Variants in PCSK2 observed in about 807,000 individuals in gnomAD.
The protein encoded by PCSK2 is proprotein convertase subtilisin/kexin type 2.
In PCSK2, 14 loss-of-function variants were observed where a neutral mutation model predicts 69.7. That is an observed-to-expected ratio of 0.20 (90% CI 0.13 to 0.31). The LOEUF (loss-of-function observed/expected upper bound fraction) is 0.31, where lower values mean the gene tolerates loss of function less well. PCSK2 is among the 10% of genes least tolerant of loss of function. The pLI, the probability that PCSK2 is intolerant of heterozygous loss-of-function variation, is 1.00. For synonymous variants in PCSK2, 307 were observed against 320.7 expected, an observed-to-expected ratio of 0.96 and a Z score of 0.46; for missense variants, 544 against 842.5, an observed-to-expected ratio of 0.65 and a Z score of 4.39.
At chr20:17,256,941 G>T (rs112427224) in intron 1 of PCSK2, among the ~76,000 whole-genome samples, 5,566 of 152,188 alleles carry the variant, frequency 0.037, 337 homozygotes, top group African/African-American at 0.13. Context: ...TCCCTGCAAA[G>T]GACATGAACT....
chr20:17,301,026 G>A (rs1034170133), intron 2 of PCSK2, among the ~76,000 whole-genome samples: 1 of 152,212 alleles, frequency 6.6e-6, no homozygotes, highest in African/African-American at 2.4e-5. Flanking sequence ...TGAAGATGTA[G>A]TCACTATTGC....
chr20:17,453,943 C>T lies in PCSK2; in HGVS notation c.1087C>T (p.Pro363Ser). 1 of 1,614,210 alleles carries T rather than the reference C, an allele frequency of 6.2e-7. No individual in the cohort carries two copies. The highest frequency in any genetic ancestry group is 1.1e-5 in the South Asian group (1 of 91,088). Residue 363 changes from proline (P) to serine (S), a missense_variant, in exon 9 of 12, where the codon CCC becomes TCC. Pro to Ser is a moderately conservative substitution (Grantham distance 74). Coordinates refer to ENST00000262545, the MANE Select transcript of PCSK2 (RefSeq NM_002594.5). This position sits in a 1 kb window ranked among gnomAD's most constrained non-coding sequence, Gnocchi z 4.0. ...STFSNGRKRN[P>S]EAGVATTDLY... ...CTTCAGCAACGGGAGGAAAAGGAAC[C>T]CCGAGGCCGGTGTGGTGAGCACGTC...
intron 2 of PCSK2, among the ~76,000 whole-genome samples, chr20:17,279,733 G>A (rs1169486631): frequency 2.7e-5 from 4 of 148,280 alleles, no homozygotes; most frequent in African/African-American, 1.0e-4. Context: ...GTTGCTGTGA[G>A]CCGAGATCGC....
Position 17,360,552 on chromosome 20 carries a change from T to C in PCSK2, c.417T>C (p.Asp139=), listed in dbSNP as rs2123213856. The part of the protein sequence containing the change: ...QWYLINTGQA[D]GTPGLDLNVA... Reference sequence around the variant, plus strand: ...ACCAGATCAATACTGGGCAAGCTGATGGCACTCCTGGCCTTGATTTGAATG... The same window carrying C: ...ACCAGATCAATACTGGGCAAGCTGACGGCACTCCTGGCCTTGATTTGAATG... The change falls in exon 4 of 12, where the codon GAT becomes GAC. Residue 139 remains aspartate, a synonymous_variant. Transcript: ENST00000262545. The C allele has an allele frequency of 6.2e-7, 1 of 1,611,524 alleles. No homozygotes were observed. The highest frequency in any genetic ancestry group is 8.5e-7 in the Non-Finnish European group (1 of 1,178,296).
At chr20:17,363,701 G>C (rs543549131) in intron 4 of PCSK2, among the ~76,000 whole-genome samples, 1 of 152,234 alleles carries the variant, frequency 6.6e-6, no homozygotes, top group African/African-American at 2.4e-5. Flanking sequence ...TGGAAGGCCA[G>C]CGAGCTAAGG....
intron 2 of PCSK2, among the ~76,000 whole-genome samples, chr20:17,285,419 C>T (rs186916212): frequency 2.6e-5 from 4 of 152,232 alleles, no homozygotes; most frequent in Middle Eastern, 3.4e-3. Context: ...TTCTGTCTCC[C>T]GATTTCTCAG....
chr20:17,387,985 T>C (rs2031280536), intron 5 of PCSK2, among the ~76,000 whole-genome samples: 1 of 152,120 alleles, frequency 6.6e-6, no homozygotes, highest in Non-Finnish European at 1.5e-5. Context: ...AGAGTAGCTA[T>C]CCCTATGCTG....
intron 1 of PCSK2, among the ~76,000 whole-genome samples, chr20:17,237,601 CA>C (rs1986392153): frequency 6.6e-6 from 1 of 152,068 alleles, no homozygotes; most frequent in Non-Finnish European, 1.5e-5. Context: ...GAGACAAAGT[CA>C]TTGTTGAAAT....
chr20:17,226,631 C>A (rs1264940521), upstream of PCSK2, among the ~76,000 whole-genome samples: 1 of 151,796 alleles, frequency 6.6e-6, no homozygotes, highest in Non-Finnish European at 1.5e-5. Context: ...CCTCTGAGAG[C>A]GGCACACACC....
intron 5 of PCSK2, among the ~76,000 whole-genome samples, chr20:17,387,961 G>A (rs2031279990): frequency 1.3e-5 from 2 of 152,170 alleles, no homozygotes; most frequent in Admixed American, 1.3e-4. Context: ...TGCCAGTTAA[G>A]GGAAGATTTC....
chr20:17,305,596 G>A (rs1347049821), intron 2 of PCSK2, among the ~76,000 whole-genome samples: 1 of 151,914 alleles, frequency 6.6e-6, no homozygotes, highest in Non-Finnish European at 1.5e-5. Flanking sequence ...CTTTAAAATG[G>A]GTATAATACT....
At chr20:17,352,058 G>A (rs943696157) in intron 2 of PCSK2, among the ~76,000 whole-genome samples, 3 of 152,090 alleles carry the variant, frequency 2.0e-5, no homozygotes, top group Non-Finnish European at 2.9e-5. Flanking sequence ...CGCCAATAAC[G>A]TTCAAGCTGA....
intron 1 of PCSK2, among the ~76,000 whole-genome samples, chr20:17,250,431 T>A (rs1237084875): frequency 1.3e-5 from 2 of 152,220 alleles, no homozygotes; most frequent in African/African-American, 4.8e-5. Context: ...CATCATAGCA[T>A]GACTCATCAC....
intron 2 of PCSK2, among the ~76,000 whole-genome samples, chr20:17,283,496 T>G (rs979414957): frequency 6.6e-6 from 1 of 152,166 alleles, no homozygotes; most frequent in Admixed American, 6.5e-5. Context: ...AACTGTCGAA[T>G]TTGATGAGCA....
intron 1 of PCSK2, among the ~76,000 whole-genome samples, chr20:17,244,402 T>C (rs1221984101): frequency 2.0e-5 from 3 of 152,210 alleles, no homozygotes; most frequent in Non-Finnish European, 2.9e-5. Context: ...TCTGCCACTA[T>C]AGAGCAGTGT....
chr20:17,473,727 C>T lies in PCSK2; in HGVS notation c.1431-7857C>T, dbSNP rs145763092. ...CTGTTCCTAGGCTCTCCCAATGCCA[C>T]GATGCCAGCCAAAAAAACCTGACCT... is the stretch of plus-strand genomic sequence containing the variant. On this transcript the variant is annotated intron_variant, in intron 11 of 11. Transcript: ENST00000262545. Among the ~76,000 whole-genome samples the T allele has an allele frequency of 1.6e-4, 25 of 152,254 alleles. No individual in the cohort carries two copies. The South Asian group carries it at 2.7e-3, about 16-fold the overall frequency.
chr20:17,398,854 C>G lies in PCSK2; in HGVS notation c.544-10409C>G, dbSNP rs562558547. On this transcript the variant is annotated intron_variant, in intron 5 of 11. Transcript: ENST00000262545. ...AAGTATTTGTATTTCTAAAAGCTCT[C>G]CAGGTGATTCTCTTGTGCAGCTTGA... is the stretch of plus-strand genomic sequence containing the variant. Among the ~76,000 whole-genome samples, 6 of 152,110 alleles carry G rather than the reference C, an allele frequency of 3.9e-5. No individual in the cohort carries two copies. The South Asian group carries it at 1.2e-3, about 32-fold the overall frequency.
At chr20:17,419,508 A>G (rs766956947) in intron 6 of PCSK2, among the ~76,000 whole-genome samples, 3 of 152,238 alleles carry the variant, frequency 2.0e-5, no homozygotes, top group Non-Finnish European at 4.4e-5. Flanking sequence ...AGCATCAGTA[A>G]TGTGCAAAAC....
intron 1 of PCSK2, among the ~76,000 whole-genome samples, chr20:17,253,754 C>T (rs1317038064): frequency 6.6e-6 from 1 of 152,102 alleles, no homozygotes; most frequent in African/African-American, 2.4e-5. Flanking sequence ...TATGACAAGT[C>T]TATATGTTTA....
Sources: allele counts gnomAD v4.1 joint callset (sites outside exome capture counted in the v4.1 genomes callset), GRCh38; gene constraint gnomAD v4.1.1; non-coding constraint Gnocchi (gnomAD v3.1); transcripts MANE v1.5; gene names NCBI Gene and HGNC (gene_info 2026-07-23, HGNC 2026-07-21).